RBFOX1: variants seen among roughly 807,000 people sequenced by gnomAD.
RBFOX1 encodes RNA binding fox-1 homolog 1.
Under a neutral mutation model 57.7 loss-of-function variants are expected in RBFOX1, and 8 were observed. The observed-to-expected ratio is 0.14, with a 90% confidence interval of 0.08 to 0.25. The LOEUF (loss-of-function observed/expected upper bound fraction) is 0.25, where lower values mean the gene tolerates loss of function less well. Among genes scored for constraint, RBFOX1 ranks in the 10% least tolerant of loss-of-function variants. The pLI is 1.00. For synonymous variants in RBFOX1, 326 were observed against 222.4 expected, an observed-to-expected ratio of 1.47 and a Z score of -4.15; for missense variants, 611 against 548.5, an observed-to-expected ratio of 1.11 and a Z score of -1.14.
chr16:6,272,206 C>G (rs1203843906), intron 1 of RBFOX1, among the ~76,000 whole-genome samples: 6 of 152,166 alleles, frequency 3.9e-5, no homozygotes, highest in Admixed American at 1.3e-4. Context: ...TTCACCGAAT[C>G]TTATCAATCT....
At chr16:6,015,022 A>G (rs2094984888), upstream of RBFOX1, among the ~76,000 whole-genome samples, 1 of 151,906 alleles carries the variant, frequency 6.6e-6, no homozygotes. Flanking sequence ...CGCCTGGCTA[A>G]TATTTTAAAT....
At chr16:6,033,631 C>T (rs2095321965) in intron 1 of RBFOX1, among the ~76,000 whole-genome samples, 2 of 152,140 alleles carry the variant, frequency 1.3e-5, no homozygotes, top group Admixed American at 6.5e-5. Context: ...TTTTCTGCTC[C>T]ACCTTTGTTA....
At chr16:5,345,332 C>G (rs1368017108) in intron 1 of RBFOX1, among the ~76,000 whole-genome samples, 3 of 152,186 alleles carry the variant, frequency 2.0e-5, no homozygotes, top group African/African-American at 7.2e-5. Flanking sequence ...CCCTTTTCCC[C>G]TTTTCCCTTC....
intron 4 of RBFOX1, among the ~76,000 whole-genome samples, chr16:5,997,920 T>C (rs1349033010): frequency 6.6e-6 from 1 of 152,196 alleles, no homozygotes; most frequent in Admixed American, 6.5e-5. Context: ...AACATGAAAT[T>C]TGAGTTCCGA....
At chr16:6,713,720 C>G (rs974692417) in intron 3 of RBFOX1, among the ~76,000 whole-genome samples, 25 of 152,318 alleles carry the variant, frequency 1.6e-4, no homozygotes, top group Admixed American at 1.2e-3. Flanking sequence ...CTCTCTTCCT[C>G]TCTCTTTCCA....
intron 3 of RBFOX1, among the ~76,000 whole-genome samples, chr16:6,788,383 A>T (rs1371642868): frequency 1.3e-5 from 2 of 152,096 alleles, no homozygotes; most frequent in Admixed American, 6.6e-5. Context: ...AACTAGTTTC[A>T]TAATAATTAT....
intron 4 of RBFOX1, among the ~76,000 whole-genome samples, chr16:7,276,513 A>G (rs2095442965): frequency 6.6e-6 from 1 of 152,098 alleles, no homozygotes; most frequent in African/African-American, 2.4e-5. Context: ...TAGCAAGCAA[A>G]GGGTAGGGAA....
At chr16:7,406,755 C>T (rs567647566) in intron 4 of RBFOX1, among the ~76,000 whole-genome samples, 50 of 152,300 alleles carry the variant, frequency 3.3e-4, no homozygotes, top group African/African-American at 1.1e-3. Context: ...ACTCTCTTAG[C>T]GTTCCAGAGG....
chr16:7,004,449 T>C lies in RBFOX1; in HGVS notation c.-15-47608T>C, dbSNP rs189525174. ...GCATTTGGCTCTGGTGGAGTCACCA[T>C]AGCCTGGATTTGAAGGTTTGGAGCC... On this transcript the variant is annotated intron_variant, in intron 3 of 15. Transcript: ENST00000550418. Among the ~76,000 whole-genome samples the C allele has an allele frequency of 9.2e-5, 14 of 152,302 alleles. 1 individual carries two copies. In the East Asian group the frequency reaches 2.7e-3, roughly 29 times the overall value.
intron 3 of RBFOX1, among the ~76,000 whole-genome samples, chr16:5,819,251 C>G (rs1016305665): frequency 1.3e-5 from 2 of 152,150 alleles, no homozygotes; most frequent in Non-Finnish European, 2.9e-5. Context: ...CATCCTATGA[C>G]AAAGGATCAT....
intron 3 of RBFOX1, among the ~76,000 whole-genome samples, chr16:6,693,845 T>C (rs2060629577): frequency 6.6e-6 from 1 of 152,228 alleles, no homozygotes; most frequent in Non-Finnish European, 1.5e-5. Context: ...ACCATCATCC[T>C]TATTCAGCAA....
chr16:6,746,796 G>A (rs2073769559), intron 3 of RBFOX1, among the ~76,000 whole-genome samples: 1 of 152,058 alleles, frequency 6.6e-6, no homozygotes, highest in South Asian at 2.1e-4. Context: ...ATATTTATAA[G>A]CCAAAGTTTG....
intron 1 of RBFOX1, among the ~76,000 whole-genome samples, chr16:6,124,628 G>A (rs892512548): frequency 1.3e-5 from 2 of 152,022 alleles, no homozygotes; most frequent in African/African-American, 4.8e-5. Flanking sequence ...TCAGCCTTCC[G>A]AGTAGTGAGG....
intron 4 of RBFOX1, among the ~76,000 whole-genome samples, chr16:5,933,204 C>G (rs905424053): frequency 1.3e-5 from 2 of 152,302 alleles, no homozygotes; most frequent in Admixed American, 1.3e-4. Flanking sequence ...GTGTCTTCTC[C>G]GCATGGCGCC....
chr16:6,538,200 T>C (rs1001184805), intron 2 of RBFOX1, among the ~76,000 whole-genome samples: 2 of 152,084 alleles, frequency 1.3e-5, no homozygotes, highest in Non-Finnish European at 2.9e-5. Flanking sequence ...ATTAGAGAAA[T>C]GCAAATCAGG....
At chr16:6,513,551 T>G (rs1250979112) in intron 2 of RBFOX1, among the ~76,000 whole-genome samples, 1 of 151,986 alleles carries the variant, frequency 6.6e-6, no homozygotes, top group African/African-American at 2.4e-5. Context: ...CTAGCCAACA[T>G]GGTGAAAACC....
At chr16:7,156,446 T>C (rs919107664) in intron 4 of RBFOX1, among the ~76,000 whole-genome samples, 8 of 152,100 alleles carry the variant, frequency 5.3e-5, no homozygotes, top group African/African-American at 1.2e-4. Context: ...TAGATATGCA[T>C]ATATGTGTAC....
chr16:5,477,699 C>G (rs1412116639), intron 2 of RBFOX1, among the ~76,000 whole-genome samples: 1 of 152,132 alleles, frequency 6.6e-6, no homozygotes, highest in African/African-American at 2.4e-5. Context: ...ACACCAGTCT[C>G]TCTTCTCTCC....
chr16:7,341,336 G>A (rs1196866515), intron 4 of RBFOX1, among the ~76,000 whole-genome samples: 1 of 152,034 alleles, frequency 6.6e-6, no homozygotes, highest in Non-Finnish European at 1.5e-5. Flanking sequence ...AAAACTAGGA[G>A]GCAAAGGCTC....
Sources: allele counts gnomAD v4.1 joint callset (sites outside exome capture counted in the v4.1 genomes callset), GRCh38; gene constraint gnomAD v4.1.1; transcripts MANE v1.5; gene names NCBI Gene and HGNC (gene_info 2026-07-23, HGNC 2026-07-21).